The following COL19A1 variants were observed in gnomAD, a reference collection of about 807,000 sequenced individuals.
COL19A1 encodes the protein collagen type XIX alpha 1 chain.
Under a neutral mutation model 190.2 loss-of-function variants are expected in COL19A1, and 159 were observed. The ratio of observed to expected loss-of-function variants is 0.84; its 90% CI spans 0.73 to 0.95. The LOEUF (loss-of-function observed/expected upper bound fraction) is 0.95. COL19A1 is among the 40% of genes least tolerant of loss of function. COL19A1 has a pLI of 0.00. For missense variants in COL19A1, 1,418 were observed against 1,431.9 expected (o/e 0.99, Z 0.16); for synonymous variants, 509 against 458.9 (o/e 1.11, Z -1.39).
At chr6:70,147,032 G>GAGGTTGT in intron 27 of COL19A1, 143 bp downstream of exon 27, 1 of 676,570 alleles carries the variant, frequency 1.5e-6, no homozygotes. Context: ...GATCAGCATT[G>GAGGTTGT]AGGTTGTATC....
At chr6:69,999,992 A>T (rs181002341) in intron 11 of COL19A1, among the ~76,000 whole-genome samples, 188 of 151,738 alleles carry the variant, frequency 1.2e-3, no homozygotes, top group Non-Finnish European at 1.8e-3. Flanking sequence ...CTACTGACAC[A>T]TCCTTTAAGT....
At chr6:69,959,431 A>G (rs1021310537) in intron 9 of COL19A1, among the ~76,000 whole-genome samples, 11 of 152,196 alleles carry the variant, frequency 7.2e-5, no homozygotes, top group Admixed American at 5.2e-4. Context: ...TTTAGGCAAG[A>G]AGTCACTTAA....
chr6:70,149,727 G>A lies in COL19A1; in HGVS notation c.1917G>A (p.Glu639=). ...GRTGAQGPAG[E]PGIQGPRGLP... ...AGGGCGCCCAAGGACCAGCTGGAGA[G>A]CCAGGTATTCAGGTAAGCTATTTAA... The change falls in exon 28 of 51, where the codon GAG becomes GAA. Residue 639 remains glutamate, a synonymous_variant. Coordinates refer to ENST00000620364, the MANE Select transcript of COL19A1 (RefSeq NM_001858.6). 1 of 1,613,600 alleles carries A rather than the reference G, an allele frequency of 6.2e-7. No homozygotes were observed. The highest frequency in any genetic ancestry group is 8.5e-7 in the Non-Finnish European group (1 of 1,179,744).
chr6:70,137,571 C>A, intron 18 of COL19A1, 114 bp from the exon 19 acceptor site: 1 of 941,458 alleles, frequency 1.1e-6, no homozygotes, highest in Non-Finnish European at 1.7e-6. Context: ...CTGTTGGATG[C>A]TAATAGATAA....
At chr6:70,035,975 T>C (rs1779333054) in intron 14 of COL19A1, 36 bp downstream of exon 14, 1 of 1,593,730 alleles carries the variant, frequency 6.3e-7, no homozygotes, top group South Asian at 1.1e-5. Flanking sequence ...AAAATTGAAA[T>C]CCATTATTCT....
At chr6:70,030,971 C>T (rs1779031201) in intron 12 of COL19A1, among the ~76,000 whole-genome samples, 1 of 152,162 alleles carries the variant, frequency 6.6e-6, no homozygotes, top group Admixed American at 6.6e-5. Context: ...CACGTTGCTG[C>T]CAAAGTGGTT....
chr6:70,212,421 CT>C lies in COL19A1; in HGVS notation c.*5149del, dbSNP rs1768260689. Among the ~76,000 whole-genome samples, 1 of 152,180 alleles carries C rather than the reference CT, an allele frequency of 6.6e-6. No homozygotes were observed. Among genetic ancestry groups the C allele is most frequent in the African/African-American group, 2.4e-5 (1 of 41,448 alleles). On this transcript the variant is annotated 3_prime_UTR_variant, in exon 51 of 51. Transcript: ENST00000620364. ...CTACATGTTCATTATGCATAATGAGCTTGTCACCTATCTCAGCAATAAAGGT... is the reference window on the plus strand; with the variant it reads ...CTACATGTTCATTATGCATAATGAGCTGTCACCTATCTCAGCAATAAAGGT...
At chr6:69,938,011 C>A in intron 8 of COL19A1, 27 bp from the exon 9 acceptor site, 8 of 1,609,120 alleles carry the variant, frequency 5.0e-6, no homozygotes, top group Non-Finnish European at 6.8e-6. Context: ...AGAATGTTTG[C>A]TAACACAGAT....
intron 14 of COL19A1, among the ~76,000 whole-genome samples, chr6:70,059,232 G>A (rs779748480): frequency 6.6e-6 from 1 of 151,996 alleles, no homozygotes; most frequent in Non-Finnish European, 1.5e-5. Flanking sequence ...GTGGGTATTA[G>A]GTATCATATG....
At chr6:70,029,682 C>G (rs141555079) in intron 12 of COL19A1, among the ~76,000 whole-genome samples, 1 of 152,262 alleles carries the variant, frequency 6.6e-6, no homozygotes, top group African/African-American at 2.4e-5. Flanking sequence ...CAACATTGTA[C>G]TTTGTCACAG....
chr6:69,891,203 CAAAA>C (rs776456756), intron 2 of COL19A1: 5 of 105,214 alleles, frequency 4.8e-5, no homozygotes, highest in Non-Finnish European at 8.7e-5. Flanking sequence ...ACCCAGCTAG[CAAAA>C]AAAAAAAAAA....
chr6:70,095,165 TTA>T (rs138494123), intron 15 of COL19A1, among the ~76,000 whole-genome samples: 2,458 of 152,320 alleles, frequency 0.016, 68 homozygotes, highest in African/African-American at 0.054. Context: ...AACATTATGT[TTA>T]TGAGAAACAT....
chr6:70,023,581 G>A, intron 11 of COL19A1, 46 bp from the exon 12 acceptor site: 1 of 1,513,524 alleles, frequency 6.6e-7, no homozygotes. Flanking sequence ...GCTAGCAAAG[G>A]TTTTCAGATA....
intron 9 of COL19A1, among the ~76,000 whole-genome samples, chr6:69,943,133 C>G (rs1773580636): frequency 6.6e-6 from 1 of 151,964 alleles, no homozygotes; most frequent in Non-Finnish European, 1.5e-5. Flanking sequence ...CCAATTTGCT[C>G]CTCCCTCATG....
intron 44 of COL19A1, among the ~76,000 whole-genome samples, chr6:70,181,746 C>T (rs1766190944): frequency 6.6e-6 from 1 of 151,646 alleles, no homozygotes; most frequent in South Asian, 2.1e-4. Context: ...ATAGTGGGCT[C>T]AGAGAAAATT....
Position 70,130,179 on chromosome 6 carries a change from T to G in COL19A1, c.1342-3T>G. The G allele has an allele frequency of 6.2e-7, 1 of 1,612,348 alleles. No homozygotes were observed. The highest frequency in any genetic ancestry group is 8.5e-7 in the Non-Finnish European group (1 of 1,179,504). The stretch of plus-strand genomic sequence containing the variant: ...TGTATTTTAAATTGTTTTTCACCCC[T>G]AGGGAAATGATGAACATGAAGCTGG... On this transcript the variant is annotated splice_polypyrimidine_tract_variant and splice_region_variant and intron_variant, in intron 17 of 50. Coordinates refer to ENST00000620364, the MANE Select transcript of COL19A1 (RefSeq NM_001858.6).
chr6:69,911,734 T>C (rs893113163), intron 4 of COL19A1, among the ~76,000 whole-genome samples: 1 of 152,222 alleles, frequency 6.6e-6, no homozygotes, highest in Non-Finnish European at 1.5e-5. Context: ...ACTTGTGCTC[T>C]TAATCCTCTC....
At chr6:70,118,935 A>T (rs1347301217) in intron 16 of COL19A1, among the ~76,000 whole-genome samples, 1 of 152,148 alleles carries the variant, frequency 6.6e-6, no homozygotes, top group Non-Finnish European at 1.5e-5. Flanking sequence ...AGAAGTATAT[A>T]CTTTGCTTAT....
intron 15 of COL19A1, among the ~76,000 whole-genome samples, chr6:70,096,796 G>A (rs1487044087): frequency 1.3e-5 from 2 of 152,098 alleles, no homozygotes; most frequent in African/African-American, 2.4e-5. Context: ...CCCCAGACCA[G>A]CAGCATCAGC....
Sources: allele counts gnomAD v4.1 joint callset (sites outside exome capture counted in the v4.1 genomes callset), GRCh38; gene constraint gnomAD v4.1.1; transcripts MANE v1.5; gene names NCBI Gene and HGNC (gene_info 2026-07-23, HGNC 2026-07-21).